CNTN4: variants seen among roughly 807,000 people sequenced by gnomAD.
The protein encoded by CNTN4 is contactin-4.
CNTN4 carries 77 observed loss-of-function variants against 122.5 expected under a neutral mutation model. The observed-to-expected ratio is 0.63, with a 90% CI of 0.52 to 0.76. The LOEUF is 0.76. Among genes scored for constraint, CNTN4 ranks in the 30% least tolerant of loss-of-function variants. CNTN4 has a pLI of 0.00. For synonymous variants in CNTN4, 512 were observed against 447.0 expected (o/e 1.15, Z -1.83); for missense variants, 1,256 against 1,259.1 (o/e 1.00, Z 0.04).
chr3:2,641,558 T>C (rs2082895672), intron 4 of CNTN4, among the ~76,000 whole-genome samples: 1 of 152,186 alleles, frequency 6.6e-6, no homozygotes, highest in South Asian at 2.1e-4. Flanking sequence ...CAACATTTTC[T>C]GTCTTATTGT....
At chr3:2,935,963 T>C (rs1308542632) in intron 13 of CNTN4, among the ~76,000 whole-genome samples, 1 of 151,996 alleles carries the variant, frequency 6.6e-6, no homozygotes, top group Non-Finnish European at 1.5e-5. Context: ...GGGAAAGAAA[T>C]GTATTTGAAA....
At chr3:2,540,701 A>G (rs2077998567) in intron 3 of CNTN4, among the ~76,000 whole-genome samples, 1 of 152,104 alleles carries the variant, frequency 6.6e-6, no homozygotes, top group Non-Finnish European at 1.5e-5. Context: ...TGAGTCAAAA[A>G]TATTCAGGGT....
At chr3:2,660,758 A>G (rs1453819556) in intron 4 of CNTN4, among the ~76,000 whole-genome samples, 1 of 152,250 alleles carries the variant, frequency 6.6e-6, no homozygotes, top group African/African-American at 2.4e-5. Context: ...ACACACAGGA[A>G]TGCTTTTTTC....
chr3:2,566,828 C>T (rs540148232), intron 3 of CNTN4, among the ~76,000 whole-genome samples: 1 of 152,136 alleles, frequency 6.6e-6, no homozygotes, highest in Admixed American at 6.5e-5. Flanking sequence ...GTGCGTGAAT[C>T]CGTGTTTTCC....
intron 3 of CNTN4, among the ~76,000 whole-genome samples, chr3:2,478,969 C>G (rs2075909013): frequency 6.6e-6 from 1 of 152,002 alleles, no homozygotes; most frequent in Non-Finnish European, 1.5e-5. Flanking sequence ...TGGCAAAAGG[C>G]TTTTTTTCCT....
At chr3:2,312,057 TA>T (rs1465896398) in intron 2 of CNTN4, among the ~76,000 whole-genome samples, 2 of 151,978 alleles carry the variant, frequency 1.3e-5, no homozygotes, top group Non-Finnish European at 2.9e-5. Context: ...TTTTTTAAGA[TA>T]AAAATGGCAC....
At chr3:2,944,713 C>G (rs1225018370) in intron 13 of CNTN4, among the ~76,000 whole-genome samples, 1 of 152,112 alleles carries the variant, frequency 6.6e-6, no homozygotes, top group Non-Finnish European at 1.5e-5. Context: ...TGAACTTTAC[C>G]AGAACCTTGT....
At chr3:2,170,297 G>A (rs2036440919) in intron 2 of CNTN4, among the ~76,000 whole-genome samples, 1 of 152,016 alleles carries the variant, frequency 6.6e-6, no homozygotes, top group Non-Finnish European at 1.5e-5. Context: ...TCCAGCCTGG[G>A]CGACACACCA....
At chr3:2,488,002 C>G (rs766528469) in intron 3 of CNTN4, among the ~76,000 whole-genome samples, 34 of 152,314 alleles carry the variant, frequency 2.2e-4, no homozygotes, top group Admixed American at 1.5e-3. Flanking sequence ...GATTAAGACA[C>G]TTCTAGTTTC....
At chr3:2,147,199 A>C (rs2035287422) in intron 2 of CNTN4, among the ~76,000 whole-genome samples, 1 of 152,034 alleles carries the variant, frequency 6.6e-6, no homozygotes, top group Non-Finnish European at 1.5e-5. Context: ...GTATTATAGA[A>C]AATGTCGAAC....
At chr3:2,400,051 G>A (rs1260363222) in intron 3 of CNTN4, among the ~76,000 whole-genome samples, 1 of 151,904 alleles carries the variant, frequency 6.6e-6, no homozygotes, top group Non-Finnish European at 1.5e-5. Context: ...TTACGGGCTT[G>A]GGTTTTCCCA....
chr3:2,170,866 A>T (rs2036472048), intron 2 of CNTN4, among the ~76,000 whole-genome samples: 1 of 152,250 alleles, frequency 6.6e-6, no homozygotes, highest in African/African-American at 2.4e-5. Context: ...TATAAAATGA[A>T]TTGTAATATG....
chr3:2,816,550 C>T lies in CNTN4; in HGVS notation c.359-2936C>T, dbSNP rs1414519467. 3.3e-5 allele frequency among the ~76,000 whole-genome samples: 5 copies of T among 151,614 alleles called. No individual in the cohort carries two copies. In the South Asian group the frequency reaches 6.2e-4, roughly 19 times the overall value. ...TAAAGAACTTACTCATGGCTGGACACGGTGACTCATGCCTGTAATTCCAGC... is the reference window on the plus strand; with the variant it reads ...TAAAGAACTTACTCATGGCTGGACATGGTGACTCATGCCTGTAATTCCAGC... On this transcript the variant is annotated intron_variant, in intron 6 of 24. Coordinates refer to ENST00000418658, the MANE Select transcript of CNTN4 (RefSeq NM_175607.3).
intron 2 of CNTN4, among the ~76,000 whole-genome samples, chr3:2,325,423 C>A (rs544656586): frequency 6.6e-6 from 1 of 152,234 alleles, no homozygotes; most frequent in South Asian, 2.1e-4. Flanking sequence ...TATCAATAAA[C>A]CTAATCCATT....
chr3:2,839,460 G>A (rs889394399), intron 7 of CNTN4, among the ~76,000 whole-genome samples: 2 of 151,946 alleles, frequency 1.3e-5, no homozygotes, highest in Non-Finnish European at 2.9e-5. Flanking sequence ...GAGGTCGGAT[G>A]CTGTTGGTGA....
chr3:2,450,955 A>G (rs1399443509), intron 3 of CNTN4, among the ~76,000 whole-genome samples: 1 of 152,240 alleles, frequency 6.6e-6, no homozygotes, highest in Non-Finnish European at 1.5e-5. Context: ...CAGATATTAC[A>G]GAGACCTTCC....
intron 12 of CNTN4, among the ~76,000 whole-genome samples, chr3:2,919,563 A>C (rs2094406784): frequency 6.6e-6 from 1 of 152,116 alleles, no homozygotes; most frequent in Admixed American, 6.6e-5. Flanking sequence ...TAGCTACTGA[A>C]ATTCTAGGGT....
At chr3:2,548,266 T>C (rs2078330976) in intron 3 of CNTN4, among the ~76,000 whole-genome samples, 1 of 152,188 alleles carries the variant, frequency 6.6e-6, no homozygotes, top group Non-Finnish European at 1.5e-5. Flanking sequence ...ATCTCCTCAA[T>C]GGTATTGCCT....
intron 11 of CNTN4, among the ~76,000 whole-genome samples, chr3:2,901,411 C>T (rs898248428): frequency 1.3e-5 from 2 of 152,116 alleles, no homozygotes; most frequent in African/African-American, 4.8e-5. Flanking sequence ...AGTGCCTGCT[C>T]GGAGCAATGG....
Sources: allele counts gnomAD v4.1 joint callset (sites outside exome capture counted in the v4.1 genomes callset), GRCh38; gene constraint gnomAD v4.1.1; transcripts MANE v1.5; gene names NCBI Gene and HGNC (gene_info 2026-07-23, HGNC 2026-07-21).